NEK1: variants seen among roughly 807,000 people sequenced by gnomAD.
NEK1 encodes NIMA related kinase 1.
In NEK1, 137 loss-of-function variants were observed where a neutral mutation model predicts 182.1. The ratio of observed to expected loss-of-function variants is 0.75; its 90% CI spans 0.65 to 0.87. The LOEUF (loss-of-function observed/expected upper bound fraction) is 0.87, where lower values mean the gene tolerates loss of function less well. Ranked by LOEUF, NEK1 falls within the 40% of genes least tolerant of loss-of-function variation. The probability of loss-of-function intolerance (pLI) is 0.00; values close to 1 mark genes in which losing one functional copy is unlikely to be tolerated. For missense variants in NEK1, 1,391 were observed against 1,494.4 expected (o/e 0.93, Z 1.14); for synonymous variants, 513 against 492.2 (o/e 1.04, Z -0.56).
chr4:169,507,134 TA>T lies in NEK1; in HGVS notation c.1912-3del. 6.7e-7 allele frequency: 1 copy of T among 1,499,698 alleles called. No individual in the cohort carries two copies. The allele number at this position is 1,499,698 out of a possible 1,614,324, so 92.9% of individuals were successfully genotyped here. A position where few individuals can be genotyped will look rare whatever the true frequency, so the allele number is the denominator to read the frequency against. ...AGCAGCACGTGCATTTGCATGGGCC[TA>T]AAAATAAAAACAATTAACAAAATGA... is the stretch of plus-strand genomic sequence containing the variant. On this transcript the variant is annotated splice_polypyrimidine_tract_variant and splice_region_variant and intron_variant, in intron 22 of 35. Coordinates refer to ENST00000507142, the MANE Select transcript of NEK1 (RefSeq NM_001199397.3).
chr4:169,471,944 T>C (rs2149529813), intron 26 of NEK1, among the ~76,000 whole-genome samples: 1 of 152,192 alleles, frequency 6.6e-6, no homozygotes, highest in Admixed American at 6.5e-5. Context: ...GCCTCAGTAA[T>C]GGCAGATGCC....
intron 32 of NEK1, among the ~76,000 whole-genome samples, chr4:169,404,781 A>AT (rs1483742467): frequency 1.7e-3 from 196 of 113,622 alleles, no homozygotes; most frequent in East Asian, 2.5e-3. Context: ...TATGGAAAAA[A>AT]ATTTTTTTTT....
At chr4:169,437,966 C>G (rs1738733174) in intron 28 of NEK1, 117 bp downstream of exon 28, 3 of 758,116 alleles carry the variant, frequency 4.0e-6, no homozygotes, top group Non-Finnish European at 5.9e-6. Context: ...AAATACTGAA[C>G]CTAATTTGAG....
chr4:169,477,209 A>G lies in NEK1; in HGVS notation c.2349T>C (p.Ser783=). 1 of 1,607,600 alleles carries G rather than the reference A, an allele frequency of 6.2e-7. No homozygotes were observed. The highest frequency in any genetic ancestry group is 1.1e-5 in the South Asian group (1 of 89,828). The change falls in exon 26 of 36, where the codon TCT becomes TCC. Residue 783 remains serine (S), a synonymous_variant. Coordinates refer to ENST00000507142, the MANE Select transcript of NEK1 (RefSeq NM_001199397.3). ...KEHEKEKSVS[S]DRKKWEAGGQ... is the part of the protein sequence containing the mutation. ...CTCCTGCCTCCCACTTCTTGCGATC[A>G]GATGAAACTGATTTTTCTTTTTCAT...
In NEK1 at chr4:169,504,226, A is replaced by ATGC. The variant is rs1230951654; in HGVS notation, c.2007+2808_2007+2810dup. On this transcript the variant is annotated intron_variant, in intron 23 of 35. Coordinates refer to ENST00000507142, the MANE Select transcript of NEK1 (RefSeq NM_001199397.3). Reference sequence around the variant, plus strand: ...TCATCAAAAGGACTAGCAATAACAAATGCTGGCGAGGATGTGGAGAAAAGG... The same window carrying ATGC: ...TCATCAAAAGGACTAGCAATAACAAATGCTGCTGGCGAGGATGTGGAGAAAAGG... Among the ~76,000 whole-genome samples, 7 of 152,252 alleles carry ATGC rather than the reference A, an allele frequency of 4.6e-5. No individual in the cohort carries two copies. The East Asian group carries it at 1.3e-3, about 29-fold the overall frequency.
intron 28 of NEK1, among the ~76,000 whole-genome samples, chr4:169,437,506 A>T (rs1375418093): frequency 1.3e-5 from 2 of 152,292 alleles, no homozygotes; most frequent in Non-Finnish European, 2.9e-5. Flanking sequence ...CTTTGAATCC[A>T]GGTTGGGCTG....
chr4:169,598,817 G>C lies in NEK1; in HGVS notation c.312+283C>G, dbSNP rs563054716. ...CAGTAAGCCAGATTGACAGAATATA[G>C]ACTAGTCAGTTATAATGAATAATTA... On this transcript the variant is annotated intron_variant, in intron 5 of 35. Transcript: ENST00000507142. 3.7e-4 allele frequency among the ~76,000 whole-genome samples: 56 copies of C among 152,276 alleles called. 1 individual carries two copies. In the South Asian group the frequency reaches 8.1e-3, roughly 22 times the overall value.
chr4:169,472,245 T>A (rs1746126240), intron 26 of NEK1, among the ~76,000 whole-genome samples: 1 of 152,264 alleles, frequency 6.6e-6, no homozygotes, highest in African/African-American at 2.4e-5. Flanking sequence ...TTATGCTTGA[T>A]ACCCAGGGCC....
chr4:169,450,039 C>T (rs1450394578), intron 27 of NEK1, among the ~76,000 whole-genome samples: 1 of 152,074 alleles, frequency 6.6e-6, no homozygotes, highest in Non-Finnish European at 1.5e-5. Flanking sequence ...CATGCATGAG[C>T]TTAAATAGCT....
intron 27 of NEK1, among the ~76,000 whole-genome samples, chr4:169,450,008 T>C (rs979580173): frequency 1.3e-5 from 2 of 152,190 alleles, no homozygotes; most frequent in African/African-American, 2.4e-5. Flanking sequence ...CTGAAAACCA[T>C]GGCATGAGAA....
intron 32 of NEK1, among the ~76,000 whole-genome samples, chr4:169,404,724 G>A (rs1286705207): frequency 2.0e-5 from 3 of 151,970 alleles, no homozygotes; most frequent in Non-Finnish European, 2.9e-5. Flanking sequence ...CAGTTGAGAG[G>A]GCTGACCAAC....
chr4:169,502,497 A>C (rs1752577965), intron 23 of NEK1, among the ~76,000 whole-genome samples: 1 of 152,134 alleles, frequency 6.6e-6, no homozygotes, highest in Non-Finnish European at 1.5e-5. Flanking sequence ...AAATATTAGC[A>C]AACTAAATCC....
rs1445812671 is a variant in NEK1, at chr4:169,607,729, C to G, written c.-49+4291G>C. ...CCGCCCGCCTCAGCCTCCCAAAGTG[C>G]TGGGATGACAGGTGTGAGCCACCGC... On this transcript the variant is annotated intron_variant, in intron 2 of 35. Coordinates refer to ENST00000507142, the MANE Select transcript of NEK1 (RefSeq NM_001199397.3). 3.9e-5 allele frequency among the ~76,000 whole-genome samples: 6 copies of G among 152,230 alleles called. No homozygotes were observed. The East Asian group carries it at 1.2e-3, about 29-fold the overall frequency.
At chr4:169,537,599 ACC>A (rs1758714011) in intron 19 of NEK1, among the ~76,000 whole-genome samples, 1 of 152,146 alleles carries the variant, frequency 6.6e-6, no homozygotes, top group Admixed American at 6.6e-5. Context: ...ATAGAATTCC[ACC>A]CCTGGTATAA....
chr4:169,485,615 A>C (rs1252100999), intron 23 of NEK1, among the ~76,000 whole-genome samples: 2 of 152,208 alleles, frequency 1.3e-5, no homozygotes, highest in Admixed American at 6.5e-5. Context: ...GGAAAACAAT[A>C]TAAAGTTTCA....
chr4:169,439,235 T>C (rs559287805), intron 27 of NEK1, among the ~76,000 whole-genome samples: 9 of 152,348 alleles, frequency 5.9e-5, no homozygotes, highest in African/African-American at 2.2e-4. Flanking sequence ...ACAGAAATCC[T>C]TGCTCATTGG....
At chr4:169,544,985 T>C (rs1289338478) in intron 18 of NEK1, among the ~76,000 whole-genome samples, 6 of 152,010 alleles carry the variant, frequency 3.9e-5, no homozygotes, top group Non-Finnish European at 8.8e-5. Flanking sequence ...TCTCCTTCAG[T>C]TCTGCTCTGA....
chr4:169,597,125 T>A (rs1189569145), intron 5 of NEK1, among the ~76,000 whole-genome samples: 1 of 152,160 alleles, frequency 6.6e-6, no homozygotes, highest in Non-Finnish European at 1.5e-5. Flanking sequence ...TGAATGAAAA[T>A]AAGCACAAAC....
intron 22 of NEK1, among the ~76,000 whole-genome samples, chr4:169,507,367 T>C (rs1408130850): frequency 6.6e-6 from 1 of 152,030 alleles, no homozygotes; most frequent in African/African-American, 2.4e-5. Flanking sequence ...GCAGGTATAT[T>C]TGAATGTGAA....
Sources: allele counts gnomAD v4.1 joint callset (sites outside exome capture counted in the v4.1 genomes callset), GRCh38; gene constraint gnomAD v4.1.1; transcripts MANE v1.5; gene names NCBI Gene and HGNC (gene_info 2026-07-23, HGNC 2026-07-21).